Variants in HMGB1 observed in about 807,000 individuals in gnomAD.
The protein encoded by HMGB1 is high mobility group box 1.
For synonymous variants in HMGB1, 81 were observed against 84.0 expected, an observed-to-expected ratio of 0.96 and a Z score of 0.19; for missense variants, 79 against 253.5, an observed-to-expected ratio of 0.31 and a Z score of 4.67.
chr13:30,591,694 G>A lies in HMGB1; in HGVS notation c.-15+24977C>T, dbSNP rs1871380694. 1.3e-5 allele frequency among the ~76,000 whole-genome samples: 2 copies of A among 151,984 alleles called. 1 individual carries two copies. Among genetic ancestry groups the A allele is most frequent in the South Asian group, 4.1e-4 (2 of 4,826 alleles). On this transcript the variant is annotated intron_variant, in intron 1 of 4. Transcript: ENST00000405805. The stretch of plus-strand genomic sequence containing the variant: ...CTGGCTAATTTTTTGTAGAGATGGG[G>A]TTTTGCCATGTTGCCCAGGCTGGTC...
At chr13:30,554,116 T>C (rs552469941) in intron 1 of HMGB1, 11 of 1,269,326 alleles carry the variant, frequency 8.7e-6, no homozygotes, top group Admixed American at 6.7e-5. Context: ...TTTCAGAAGA[T>C]GTGAAGTCAT....
At chr13:30,482,880 C>T (rs143650373) in intron 1 of HMGB1, among the ~76,000 whole-genome samples, 1,972 of 151,998 alleles carry the variant, frequency 0.013, 22 homozygotes, top group Non-Finnish European at 0.016. Context: ...CTTGACCTCC[C>T]GGGCTCAAGC....
intron 1 of HMGB1, among the ~76,000 whole-genome samples, chr13:30,507,548 G>T (rs17074678): frequency 0.18 from 27,699 of 152,124 alleles, 3,518 homozygotes; most frequent in African/African-American, 0.36. Context: ...GTCATTCCTG[G>T]GGTCTAAGGA....
chr13:30,543,788 T>C (rs988295964), intron 1 of HMGB1, among the ~76,000 whole-genome samples: 5 of 152,216 alleles, frequency 3.3e-5, no homozygotes, highest in African/African-American at 9.7e-5. Flanking sequence ...TCTGATTTAT[T>C]TCCCTACCTT....
chr13:30,606,179 G>C (rs201344234), intron 1 of HMGB1, among the ~76,000 whole-genome samples: 3 of 152,252 alleles, frequency 2.0e-5, no homozygotes, highest in East Asian at 3.9e-4. Flanking sequence ...CATTGAACTT[G>C]TTTTTCTATT....
At chr13:30,542,762 C>A in intron 1 of HMGB1, 1 of 211,766 alleles carries the variant, frequency 4.7e-6, no homozygotes, top group Non-Finnish European at 1.0e-5. Context: ...GTCTGGCCTT[C>A]TTCTGGACAC....
At chr13:30,475,129 T>A (rs1305397377) in intron 1 of HMGB1, among the ~76,000 whole-genome samples, 5 of 68,662 alleles carry the variant, frequency 7.3e-5, no homozygotes, top group Non-Finnish European at 1.6e-4. Flanking sequence ...TCTCTCTCTC[T>A]CTCTCTCTCT....
intron 1 of HMGB1, among the ~76,000 whole-genome samples, chr13:30,490,542 C>T (rs1310899605): frequency 6.6e-6 from 1 of 151,042 alleles, no homozygotes; most frequent in Non-Finnish European, 1.5e-5. Flanking sequence ...TCACTTGAGC[C>T]TGGGAGGCAG....
intron 1 of HMGB1, among the ~76,000 whole-genome samples, chr13:30,587,115 C>T (rs1251857256): frequency 2.0e-5 from 3 of 152,126 alleles, no homozygotes; most frequent in African/African-American, 7.2e-5. Context: ...ACTAGGGCTT[C>T]CTCTTGTGCT....
rs1328288175 is a variant in HMGB1, at chr13:30,601,671, G to A, written c.-15+15000C>T. 3.4e-4 allele frequency among the ~76,000 whole-genome samples: 17 copies of A among 50,630 alleles called. 3 individuals are homozygous for A. The highest frequency in any genetic ancestry group is 2.7e-3 in the Admixed American group (16 of 5,922). The allele number at this position is 50,630 out of a possible 152,430, so 33.2% of individuals were successfully genotyped here. A position where few individuals can be genotyped will look rare whatever the true frequency, so the allele number is the denominator to read the frequency against. On this transcript the variant is annotated intron_variant, in intron 1 of 4. Transcript: ENST00000405805. ...TGAGGCAGGAGAATGGCGTGAACCC[G>A]GGAGGCGGAGCTTGCAGTGAGCCGA...
intron 1 of HMGB1, among the ~76,000 whole-genome samples, chr13:30,602,024 G>A (rs1417156224): frequency 1.3e-5 from 2 of 152,146 alleles, no homozygotes; most frequent in South Asian, 2.1e-4. Flanking sequence ...GGGGCAGGGG[G>A]GTGAACAGGA....
chr13:30,579,930 CAA>C (rs753726463), intron 1 of HMGB1, among the ~76,000 whole-genome samples: 1 of 152,156 alleles, frequency 6.6e-6, no homozygotes. Flanking sequence ...GACTTATTTA[CAA>C]AGTCATGTTC....
At chr13:30,551,819 C>T (rs567529090) in intron 1 of HMGB1, among the ~76,000 whole-genome samples, 39 of 152,252 alleles carry the variant, frequency 2.6e-4, no homozygotes, top group African/African-American at 9.1e-4. Context: ...AATCCTCCCA[C>T]GTCAGCCTCC....
At position 30,494,392 on chromosome 13, in the gene HMGB1, G is replaced by A. The variant is rs190311427; in HGVS notation, c.-14-30698C>T. Among the ~76,000 whole-genome samples, 1,090 of 151,074 alleles carry A rather than the reference G, an allele frequency of 7.2e-3. 6 individuals carry two copies. Among genetic ancestry groups the A allele is most frequent in the Middle Eastern group, 0.034 (10 of 294 alleles). On this transcript the variant is annotated intron_variant, in intron 1 of 4. Transcript: ENST00000405805. The stretch of plus-strand genomic sequence containing the variant: ...CTTTTTTTTTTTGAGATGGAGTTTC[G>A]CTCTTGTTGCCCAGGCTGGAGTGCA...
At chr13:30,469,806 T>G (rs1423475438), upstream of HMGB1, among the ~76,000 whole-genome samples, 1 of 152,212 alleles carries the variant, frequency 6.6e-6, no homozygotes, top group African/African-American at 2.4e-5. Context: ...TATTTTTGTA[T>G]TTTTAGTGGA....
At chr13:30,535,045 A>G (rs1364746218) in intron 1 of HMGB1, among the ~76,000 whole-genome samples, 3 of 152,216 alleles carry the variant, frequency 2.0e-5, no homozygotes, top group Non-Finnish European at 4.4e-5. Flanking sequence ...TTGAATGAGG[A>G]CTAATTTCAC....
chr13:30,610,784 C>G (rs1022128197), intron 1 of HMGB1, among the ~76,000 whole-genome samples: 15 of 149,784 alleles, frequency 1.0e-4, no homozygotes, highest in African/African-American at 2.2e-4. Context: ...CTTAGCAAAA[C>G]AGAGGTAGGG....
intron 1 of HMGB1, among the ~76,000 whole-genome samples, chr13:30,522,515 T>C (rs1888263174): frequency 6.6e-6 from 1 of 151,988 alleles, no homozygotes; most frequent in Non-Finnish European, 1.5e-5. Flanking sequence ...GATGACGAAT[T>C]AGAGGTAAAC....
At chr13:30,483,603 G>A (rs1328210654) in intron 1 of HMGB1, among the ~76,000 whole-genome samples, 4 of 137,570 alleles carry the variant, frequency 2.9e-5, no homozygotes, top group Non-Finnish European at 6.1e-5. Context: ...GCCCACAAGA[G>A]AACGTGCAAA....
Sources: gnomAD v4.1 joint callset for allele counts (sites outside exome capture counted in the v4.1 genomes callset) on GRCh38, gnomAD v4.1.1 for gene constraint, MANE v1.5 for transcripts, NCBI Gene and HGNC (gene_info 2026-07-23, HGNC 2026-07-21) for gene names.